The following PPP2R5C variants were observed in gnomAD, a reference collection of about 807,000 sequenced individuals.
The protein encoded by PPP2R5C is protein phosphatase 2 regulatory subunit B'gamma.
In PPP2R5C, 7 loss-of-function variants were observed where a neutral mutation model predicts 68.9. The observed-to-expected ratio is 0.10, with a 90% confidence interval of 0.06 to 0.19. The LOEUF (loss-of-function observed/expected upper bound fraction) is 0.19. Among genes scored for constraint, PPP2R5C ranks in the 10% least tolerant of loss-of-function variants. The pLI, the probability that PPP2R5C is intolerant of heterozygous loss-of-function variation, is 1.00. For missense variants in PPP2R5C, 348 were observed against 641.3 expected (o/e 0.54, Z 4.94); for synonymous variants, 210 against 222.2 (o/e 0.95, Z 0.49).
At chr14:101,883,114 A>G (rs1463638578) in intron 3 of PPP2R5C, 143 bp from the exon 6 acceptor site, 2 of 615,526 alleles carry the variant, frequency 3.2e-6, no homozygotes, top group Non-Finnish European at 5.6e-6. Flanking sequence ...GAATTAAGCC[A>G]TGTAATTTAG....
chr14:101,816,686 G>A (rs1278962838), intron 1 of PPP2R5C, among the ~76,000 whole-genome samples: 1 of 151,652 alleles, frequency 6.6e-6, no homozygotes, highest in Non-Finnish European at 1.5e-5. Flanking sequence ...ATTAATAAGT[G>A]AAGGATCGTG....
At chr14:101,764,038 C>CGGGT (rs140548459) in intron 2 of PPP2R5C, among the ~76,000 whole-genome samples, 1 of 151,934 alleles carries the variant, frequency 6.6e-6, no homozygotes. Flanking sequence ...TGGGCGCGCG[C>CGGGT]ACTTGCGCGT....
At chr14:101,763,387 A>T (rs1472712527) in intron 2 of PPP2R5C, among the ~76,000 whole-genome samples, 9 of 130,498 alleles carry the variant, frequency 6.9e-5, no homozygotes, top group African/African-American at 2.3e-4. Flanking sequence ...CACCCAACAA[A>T]TTTTTTTTTT....
At chr14:101,788,436 G>C (rs890845312) in intron 3 of PPP2R5C, among the ~76,000 whole-genome samples, 2 of 152,206 alleles carry the variant, frequency 1.3e-5, no homozygotes, top group East Asian at 1.9e-4. Context: ...TGCAAGTACC[G>C]GTGTGTGCCG....
chr14:101,896,646 A>AAG (rs1396720235), intron 8 of PPP2R5C, among the ~76,000 whole-genome samples: 1 of 151,640 alleles, frequency 6.6e-6, no homozygotes, highest in Non-Finnish European at 1.5e-5. Context: ...CAAAAAAAAA[A>AAG]AAAAAAAAAG....
chr14:101,803,003 T>A (rs544418710), intron 3 of PPP2R5C, among the ~76,000 whole-genome samples: 30 of 140,266 alleles, frequency 2.1e-4, no homozygotes, highest in Admixed American at 9.3e-4. Flanking sequence ...TCACTTGAGC[T>A]CAAGAGTTTG....
intron 1 of PPP2R5C, among the ~76,000 whole-genome samples, chr14:101,840,219 T>A (rs935102448): frequency 6.6e-6 from 1 of 152,188 alleles, no homozygotes; most frequent in African/African-American, 2.4e-5. Flanking sequence ...TTAGAGACCC[T>A]GTTGTATTTT....
chr14:101,760,631 C>A, upstream of PPP2R5C: 1 of 839,156 alleles, frequency 1.2e-6, no homozygotes, highest in Non-Finnish European at 1.4e-6. Flanking sequence ...TAGGCGGGAC[C>A]TTGCGGGAGA....
chr14:101,863,549 T>TA (rs2042880619), intron 2 of PPP2R5C, among the ~76,000 whole-genome samples: 1 of 152,174 alleles, frequency 6.6e-6, no homozygotes, highest in Admixed American at 6.5e-5. Flanking sequence ...GCTACTTTTC[T>TA]AAAACAGTGC....
chr14:101,862,253 G>A (rs2042789395), intron 2 of PPP2R5C, among the ~76,000 whole-genome samples: 1 of 152,138 alleles, frequency 6.6e-6, no homozygotes, highest in African/African-American at 2.4e-5. Context: ...ATGCACCAGG[G>A]TGAGCTTCAG....
chr14:101,803,995 A>G (rs961167659), intron 3 of PPP2R5C, among the ~76,000 whole-genome samples: 3 of 152,214 alleles, frequency 2.0e-5, no homozygotes, highest in Non-Finnish European at 4.4e-5. Context: ...ATTAATAACC[A>G]GAATATATAA....
intron 1 of PPP2R5C, 102 bp downstream of exon 1, chr14:101,762,022 C>T: frequency 9.3e-7 from 1 of 1,080,028 alleles, no homozygotes; most frequent in Non-Finnish European, 1.1e-6. Flanking sequence ...GCTCAGTTCC[C>T]CGCCTGACGC....
At chr14:101,832,633 G>T (rs191436316) in intron 1 of PPP2R5C, among the ~76,000 whole-genome samples, 6 of 152,188 alleles carry the variant, frequency 3.9e-5, no homozygotes, top group Admixed American at 3.9e-4. Flanking sequence ...GACACACTTG[G>T]GCTTGCATAG....
intron 2 of PPP2R5C, among the ~76,000 whole-genome samples, chr14:101,873,807 A>G (rs533559962): frequency 2.6e-5 from 4 of 152,128 alleles, no homozygotes; most frequent in Admixed American, 1.3e-4. Flanking sequence ...TGCCTATACT[A>G]CAACCTAAAA....
intron 8 of PPP2R5C, among the ~76,000 whole-genome samples, chr14:101,898,474 T>C (rs925750114): frequency 2.6e-5 from 4 of 152,114 alleles, no homozygotes; most frequent in Non-Finnish European, 4.4e-5. Flanking sequence ...CAGAGAATGT[T>C]TGTAAAAGTT....
rs964229444 is a variant in PPP2R5C at position 101,882,661 on chromosome 14, G to C, written c.405+390G>C. ...CTTTCCCCAGGGCATTTGTAAGGCA[G>C]AAGGTTGGTTGGCAAGGAGGCGCCA... On this transcript the variant is annotated intron_variant, in intron 3 of 13. Coordinates refer to ENST00000334743, the Ensembl canonical transcript of PPP2R5C. The surrounding 1 kb of genome is among the most constrained non-coding windows in gnomAD (Gnocchi z 4.9). 5.9e-6 allele frequency: 1 copy of C among 169,090 alleles called. No homozygotes were observed. The highest frequency in any genetic ancestry group is 1.7e-4 in the East Asian group (1 of 5,818). 10.5% of individuals were successfully genotyped at this position (169,090 alleles called of 1,614,324 possible). A position where few individuals can be genotyped will look rare whatever the true frequency, so the allele number is the denominator to read the frequency against.
At chr14:101,823,950 G>A in intron 1 of PPP2R5C, 1 of 1,287,462 alleles carries the variant, frequency 7.8e-7, no homozygotes, top group Non-Finnish European at 1.0e-6. Flanking sequence ...AGGTAAGGTT[G>A]TACTTTTAGG....
chr14:101,893,568 A>G (rs755736648), intron 7 of PPP2R5C, among the ~76,000 whole-genome samples: 2 of 152,236 alleles, frequency 1.3e-5, no homozygotes, highest in Non-Finnish European at 2.9e-5. Context: ...CCTGACCAAC[A>G]TGGAGAAAAC....
At chr14:101,867,263 T>C (rs2043131900) in intron 2 of PPP2R5C, among the ~76,000 whole-genome samples, 1 of 150,586 alleles carries the variant, frequency 6.6e-6, no homozygotes, top group South Asian at 2.1e-4. Flanking sequence ...TAGCTGGGTG[T>C]GGTGGCGCAC....
Sources: allele counts gnomAD v4.1 joint callset (sites outside exome capture counted in the v4.1 genomes callset), GRCh38; gene constraint gnomAD v4.1.1; non-coding constraint Gnocchi (gnomAD v3.1); transcripts MANE v1.5; gene names NCBI Gene and HGNC (gene_info 2026-07-23, HGNC 2026-07-21).